The following ABCG2 variants were observed in gnomAD, a reference collection of about 807,000 sequenced individuals.
The protein encoded by ABCG2 is broad substrate specificity ATP-binding cassette transporter ABCG2.
In ABCG2, 80 loss-of-function variants were observed where a neutral mutation model predicts 73.5. That is an observed-to-expected ratio of 1.09 (90% confidence interval 0.91 to 1.31). The LOEUF (loss-of-function observed/expected upper bound fraction) is 1.31. Among genes scored for constraint, ABCG2 ranks in the 50% most tolerant of loss-of-function variants. The probability of loss-of-function intolerance (pLI) is 0.00; values close to 1 mark genes in which losing one functional copy is unlikely to be tolerated. For synonymous variants in ABCG2, 269 were observed against 282.4 expected, an observed-to-expected ratio of 0.95 and a Z score of 0.48; for missense variants, 796 against 786.2, an observed-to-expected ratio of 1.01 and a Z score of -0.15.
intron 12 of ABCG2, 29 bp downstream of exon 12, chr4:88,099,295 T>G (rs1578170778): frequency 4.5e-6 from 7 of 1,550,544 alleles, no homozygotes; most frequent in Non-Finnish European, 6.1e-6. Flanking sequence ...ACTAAAGACA[T>G]GTCCTTTTTT....
intron 1 of ABCG2, among the ~76,000 whole-genome samples, chr4:88,172,479 TGAA>T (rs1168708109): frequency 2.7e-5 from 4 of 149,032 alleles, no homozygotes; most frequent in Non-Finnish European, 4.4e-5. Flanking sequence ...CTCAGGAGGC[TGAA>T]GAAGGAGAAT....
chr4:88,209,646 A>C (rs903029779), intron 1 of ABCG2, among the ~76,000 whole-genome samples: 7 of 152,128 alleles, frequency 4.6e-5, no homozygotes, highest in Non-Finnish European at 1.0e-4. Flanking sequence ...GGGTGAGAGC[A>C]AGACTCTGTC....
At chr4:88,172,530 G>C (rs1172795205) in intron 1 of ABCG2, among the ~76,000 whole-genome samples, 1 of 143,956 alleles carries the variant, frequency 6.9e-6, no homozygotes, top group African/African-American at 2.6e-5. Flanking sequence ...AGTGAGCCGA[G>C]TCACGCCACT....
chr4:88,131,827 T>C lies in ABCG2; in HGVS notation c.354A>G (p.Lys118=). ...CTTGTACCACGTAACCTGAATTACA[T>C]TTGAAATTGGCAGGTCGCGGTGCTC... ...INGAPRPANF[K]CNSGYVVQDD... is the part of the protein sequence containing the mutation. The change falls in exon 4 of 16, where the codon AAA becomes AAG. Residue 118 remains lysine, a synonymous_variant. Coordinates refer to ENST00000237612, the MANE Select transcript of ABCG2 (RefSeq NM_004827.3). The C allele has an allele frequency of 1.2e-6, 2 of 1,613,646 alleles. No individual in the cohort carries two copies. The highest frequency in any genetic ancestry group is 2.2e-5 in the East Asian group (1 of 44,856).
intron 1 of ABCG2, among the ~76,000 whole-genome samples, chr4:88,141,769 G>C (rs752077096): frequency 6.6e-6 from 1 of 152,040 alleles, no homozygotes; most frequent in Non-Finnish European, 1.5e-5. Context: ...AAATTGCCAG[G>C]CATGCCAAAA....
chr4:88,158,678 G>A (rs781693713), upstream of ABCG2: 1 of 456,130 alleles, frequency 2.2e-6, no homozygotes, highest in South Asian at 1.5e-5. Flanking sequence ...TTTTGAGTGG[G>A]CACAGCACGC....
In ABCG2 at chr4:88,192,680, A is replaced by G. The variant is rs561322116; in HGVS notation, c.-20+38314T>C. 2.5e-4 allele frequency among the ~76,000 whole-genome samples: 37 copies of G among 148,906 alleles called. No homozygotes were observed. The South Asian group carries it at 7.4e-3, about 30-fold the overall frequency. On this transcript the variant is annotated intron_variant, in intron 1 of 15. Coordinates refer to the ABCG2 transcript ENST00000515655. Reference sequence around the variant, plus strand: ...GTGATCCACCTACCTCTGTCTCCCAATGTGCTGGGATTACAGGCATGAGCC... The same window carrying G: ...GTGATCCACCTACCTCTGTCTCCCAGTGTGCTGGGATTACAGGCATGAGCC...
intron 1 of ABCG2, among the ~76,000 whole-genome samples, chr4:88,141,722 C>T (rs965978327): frequency 3.9e-5 from 6 of 151,966 alleles, no homozygotes; most frequent in Non-Finnish European, 7.4e-5. Flanking sequence ...GCCTGATTCA[C>T]GAATCATAAG....
Position 88,114,952 on chromosome 4 carries a change from T to C in ABCG2, c.943+5A>G. The C allele has an allele frequency of 6.3e-7, 1 of 1,596,230 alleles. No individual in the cohort carries two copies. The highest frequency in any genetic ancestry group is 8.6e-7 in the Non-Finnish European group (1 of 1,165,500). On this transcript the variant is annotated splice_donor_5th_base_variant and intron_variant, in intron 8 of 15. Transcript: ENST00000237612. ...AAAATCTGGGACTGTAACAGATTCATATACCTTTAAAGTCTTCTTCTCTGT... is the reference window on the plus strand; with the variant it reads ...AAAATCTGGGACTGTAACAGATTCACATACCTTTAAAGTCTTCTTCTCTGT...
intron 1 of ABCG2, among the ~76,000 whole-genome samples, chr4:88,201,181 A>G (rs902952017): frequency 6.9e-6 from 1 of 144,262 alleles, no homozygotes; most frequent in African/African-American, 2.6e-5. Context: ...GATCAATAAA[A>G]TTTATAAGTC....
chr4:88,166,499 T>A (rs1181914733), intron 1 of ABCG2, among the ~76,000 whole-genome samples: 1 of 152,130 alleles, frequency 6.6e-6, no homozygotes, highest in East Asian at 1.9e-4. Flanking sequence ...TGTTAATCCA[T>A]CTATTGCCAA....
Position 88,099,377 on chromosome 4 carries a change from G to A in ABCG2, c.1439C>T (p.Pro480Leu), listed in dbSNP as rs202192122. 591 of 1,611,214 alleles carry A rather than the reference G, an allele frequency of 3.7e-4. 1 individual carries two copies. The highest frequency in any genetic ancestry group is 4.7e-4 in the Non-Finnish European group (548 of 1,178,476). ...TATAATACTTGGTAACATCCTCATG[G>A]GTAATAAATCAGATAACAGTTTTCC... The part of the protein sequence containing the change: ...FLGKLLSDLL[P>L]MRMLPSIIFT... Residue 480 changes from proline to leucine, a missense_variant, in exon 12 of 16, where the codon CCC (proline) becomes CTC (leucine). Physicochemically the swap from Pro to Leu is moderately conservative, Grantham distance 98. Transcript: ENST00000237612.
intron 1 of ABCG2, among the ~76,000 whole-genome samples, chr4:88,143,155 T>C (rs1018985816): frequency 9.2e-5 from 14 of 152,192 alleles, no homozygotes; most frequent in African/African-American, 7.2e-5. Context: ...TACTATGCCA[T>C]GTTATATCAG....
intron 1 of ABCG2, among the ~76,000 whole-genome samples, chr4:88,217,765 G>C (rs7670676): frequency 6.6e-6 from 1 of 151,968 alleles, no homozygotes; most frequent in Admixed American, 6.6e-5. Context: ...CTTGAAGCCA[G>C]GAGTTCAAGG....
intron 1 of ABCG2, among the ~76,000 whole-genome samples, chr4:88,225,369 C>A (rs913910123): frequency 1.3e-5 from 2 of 152,190 alleles, no homozygotes; most frequent in Non-Finnish European, 2.9e-5. Flanking sequence ...CCAACCCCTA[C>A]ACTAGAAGTC....
At chr4:88,227,922 C>T (rs754135819) in intron 1 of ABCG2, among the ~76,000 whole-genome samples, 5 of 152,104 alleles carry the variant, frequency 3.3e-5, no homozygotes, top group African/African-American at 4.8e-5. Flanking sequence ...AAGAGCAAAC[C>T]AGCGTTGAGT....
intron 1 of ABCG2, among the ~76,000 whole-genome samples, chr4:88,175,935 G>T (rs60816576): frequency 0.24 from 36,782 of 151,988 alleles, 5,926 homozygotes; most frequent in African/African-American, 0.46. Context: ...AATGGATAAT[G>T]GTTGTGGGGA....
At chr4:88,127,359 G>T (rs1724503950) in intron 5 of ABCG2, among the ~76,000 whole-genome samples, 1 of 151,978 alleles carries the variant, frequency 6.6e-6, no homozygotes, top group Non-Finnish European at 1.5e-5. Flanking sequence ...GTAATATAGA[G>T]ATTCAATGCT....
chr4:88,095,657 G>C, intron 13 of ABCG2, 48 bp from the exon 14 acceptor site: 1 of 1,474,228 alleles, frequency 6.8e-7, no homozygotes, highest in Non-Finnish European at 9.5e-7. Flanking sequence ...GTAATTTCAT[G>C]CAGAATTCTA....
Sources: allele counts gnomAD v4.1 joint callset (sites outside exome capture counted in the v4.1 genomes callset), GRCh38; gene constraint gnomAD v4.1.1; transcripts MANE v1.5; gene names NCBI Gene and HGNC (gene_info 2026-07-23, HGNC 2026-07-21).